The following PRKAB1 variants were observed in gnomAD, a reference collection of about 807,000 sequenced individuals.
PRKAB1 encodes the protein protein kinase AMP-activated non-catalytic subunit beta 1, also known as 5'-AMP-activated protein kinase subunit beta-1.
In PRKAB1, 18 loss-of-function variants were observed where a neutral mutation model predicts 32.0. The ratio of observed to expected loss-of-function variants is 0.56; its 90% confidence interval spans 0.39 to 0.83. The LOEUF is 0.83. Ranked by LOEUF, PRKAB1 falls within the 40% of genes least tolerant of loss-of-function variation. The pLI, the probability that PRKAB1 is intolerant of heterozygous loss-of-function variation, is 0.00. For missense variants in PRKAB1, 263 were observed against 352.6 expected, an observed-to-expected ratio of 0.75 and a Z score of 2.03; for synonymous variants, 141 against 141.4, an observed-to-expected ratio of 1.00 and a Z score of 0.02.
Position 119,674,445 on chromosome 12 carries a change from G to T in PRKAB1, c.523G>T (p.Asp175Tyr). 6.2e-7 allele frequency: 1 copy of T among 1,609,596 alleles called. No individual in the cohort carries two copies. Among genetic ancestry groups the T allele is most frequent in the Non-Finnish European group, 8.5e-7 (1 of 1,175,870 alleles). ...ALMVDSQKCS[D>Y]VSELSSSPPG... The stretch of plus-strand genomic sequence containing the variant: ...AATGGTGGATTCCCAAAAGTGCTCC[G>T]ATGTGTCTGGTATGAACACAGTTAT... Residue 175 changes from aspartate to tyrosine, a missense_variant, in exon 4 of 7, where the codon GAT becomes TAT. Asp to Tyr is a radical substitution (Grantham distance 160, BLOSUM62 -3). Coordinates refer to ENST00000229328, the MANE Select transcript of PRKAB1 (RefSeq NM_006253.5). This position sits in a 1 kb window ranked among gnomAD's most constrained non-coding sequence, Gnocchi z 4.3.
chr12:119,676,413 A>C (rs1330755088), intron 4 of PRKAB1, 124 bp from the exon 5 acceptor site: 10 of 1,238,900 alleles, frequency 8.1e-6, no homozygotes, highest in Non-Finnish European at 1.1e-5. Context: ...TGCATCCTTC[A>C]AGAGAATGTA....
intron 4 of PRKAB1, among the ~76,000 whole-genome samples, chr12:119,675,978 G>A (rs182540541): frequency 9.6e-4 from 146 of 152,290 alleles, no homozygotes; most frequent in African/African-American, 3.3e-3. Context: ...GCAAGAGTTT[G>A]GAAGGAACTT....
At position 119,674,880 on chromosome 12, in the gene PRKAB1, A is replaced by G. The variant is rs1235320322; in HGVS notation, c.532+426A>G. 6.6e-6 allele frequency among the ~76,000 whole-genome samples: 1 copy of G among 152,228 alleles called. No homozygotes were observed. Among genetic ancestry groups the G allele is most frequent in the African/African-American group, 2.4e-5 (1 of 41,462 alleles). ...GGACACCTCAGTGACCTTAGCAGTCACTTATGTGGTACATTAGCACCTTGT... is the reference window on the plus strand; with the variant it reads ...GGACACCTCAGTGACCTTAGCAGTCGCTTATGTGGTACATTAGCACCTTGT... On this transcript the variant is annotated intron_variant, in intron 4 of 6. Coordinates refer to ENST00000229328, the MANE Select transcript of PRKAB1 (RefSeq NM_006253.5). This position sits in a 1 kb window ranked among gnomAD's most constrained non-coding sequence, Gnocchi z 4.3.
intron 4 of PRKAB1, among the ~76,000 whole-genome samples, chr12:119,676,052 T>G (rs1050878971): frequency 6.6e-6 from 1 of 152,216 alleles, no homozygotes; most frequent in Admixed American, 6.5e-5. Context: ...CATTTTGAAA[T>G]GTGCCTCGTT....
At chr12:119,667,954 A>G, upstream of PRKAB1, 1 of 402,524 alleles carries the variant, frequency 2.5e-6, no homozygotes, top group Non-Finnish European at 4.4e-6. Context: ...GAGTCGCCGG[A>G]AGCGGAAGTC....
At position 119,676,657 on chromosome 12, in the gene PRKAB1, A is replaced by G; in HGVS notation, c.653A>G (p.Asp218Gly). The change falls in exon 5 of 7, where the codon GAC (aspartate) becomes GGC (glycine). Residue 218 changes from aspartate (D) to glycine (G), a missense_variant. Coordinates refer to ENST00000229328, the MANE Select transcript of PRKAB1 (RefSeq NM_006253.5). ...PHLLQVILNK[D>G]TGISCDPALL... ...CTCCTCCAGGTCATCCTGAACAAGG[A>G]CACGGGGATTTCCGTAAGTATGTGG... 1 of 1,613,774 alleles carries G rather than the reference A, an allele frequency of 6.2e-7. No individual in the cohort carries two copies. Among genetic ancestry groups the G allele is most frequent in the Non-Finnish European group, 8.5e-7 (1 of 1,179,882 alleles).
In PRKAB1 at chr12:119,677,092, G is replaced by A. The variant is rs115655622; in HGVS notation, c.666+422G>A. Among the ~76,000 whole-genome samples the A allele has an allele frequency of 6.4e-3, 968 of 152,266 alleles. 5 individuals carry two copies. Among genetic ancestry groups the A allele is most frequent in the African/African-American group, 0.022 (908 of 41,558 alleles). On this transcript the variant is annotated intron_variant, in intron 5 of 6. Coordinates refer to ENST00000229328, the MANE Select transcript of PRKAB1 (RefSeq NM_006253.5). ...TCTAGGTAACACACATTTCTCCTCC[G>A]GGAAATTATTACATGCAGAAAAGAA...
rs534072540 is a variant in PRKAB1 at position 119,674,564 on chromosome 12, G to T, written c.532+110G>T. 350 of 712,850 alleles carry T rather than the reference G, an allele frequency of 4.9e-4. No homozygotes were observed. The highest frequency in any genetic ancestry group is 7.6e-4 in the Non-Finnish European group (335 of 438,570). 44.2% of individuals were successfully genotyped at this position (712,850 alleles called of 1,614,324 possible). On this transcript the variant is annotated intron_variant, in intron 4 of 6. Transcript: ENST00000229328. The surrounding 1 kb of genome is among the most constrained non-coding windows in gnomAD (Gnocchi z 4.3). ...GAGCTGAAGCTGCCCAGTCAGATAG[G>T]CATTTATAGCCCCCACTTAAAGGCC...
intron 5 of PRKAB1, chr12:119,677,439 C>T (rs1459894677): frequency 6.6e-6 from 1 of 152,294 alleles, no homozygotes; most frequent in Non-Finnish European, 1.5e-5. Flanking sequence ...GGTCTCAGTG[C>T]TTGTTACCCT....
rs966100763 is a variant in PRKAB1 at position 119,679,801 on chromosome 12, G to A, written c.667-132G>A. ...CCTGTCGTCTTGGACAAGCCCTTGC[G>A]CTGCCTGATTTGGGAAGAGAGGTCG... On this transcript the variant is annotated intron_variant, in intron 5 of 6. Transcript: ENST00000229328. This position sits in a 1 kb window ranked among gnomAD's most constrained non-coding sequence, Gnocchi z 4.1. 5 of 939,904 alleles carry A rather than the reference G, an allele frequency of 5.3e-6. No homozygotes were observed. The highest frequency in any genetic ancestry group is 2.1e-4 in the Middle Eastern group (1 of 4,704). The allele number at this position is 939,904 out of a possible 1,614,324, so 58.2% of individuals were successfully genotyped here.
Position 119,674,957 on chromosome 12 carries a change from C to T in PRKAB1, c.532+503C>T, listed in dbSNP as rs974596456. Among the ~76,000 whole-genome samples the T allele has an allele frequency of 6.6e-6, 1 of 152,248 alleles. No homozygotes were observed. The highest frequency in any genetic ancestry group is 2.4e-5 in the African/African-American group (1 of 41,464). ...TCCCCACGGGAAACAGCCTGCACAG[C>T]CCAACTCTCCTTGATGGGAAGCTAT... On this transcript the variant is annotated intron_variant, in intron 4 of 6. Coordinates refer to ENST00000229328, the MANE Select transcript of PRKAB1 (RefSeq NM_006253.5). This position sits in a 1 kb window ranked among gnomAD's most constrained non-coding sequence, Gnocchi z 4.3.
At chr12:119,670,150 T>G (rs1480989188) in intron 1 of PRKAB1, among the ~76,000 whole-genome samples, 1 of 152,226 alleles carries the variant, frequency 6.6e-6, no homozygotes, top group African/African-American at 2.4e-5. Context: ...GCCGCAGGGC[T>G]CAGTCCAAGG....
intron 1 of PRKAB1, among the ~76,000 whole-genome samples, chr12:119,669,033 C>T (rs908118956): frequency 1.3e-4 from 20 of 151,434 alleles, no homozygotes; most frequent in African/African-American, 4.1e-4. Context: ...AGGAGAATGG[C>T]GTGAACCCGG....
At chr12:119,675,629 T>C (rs1326634707) in intron 4 of PRKAB1, among the ~76,000 whole-genome samples, 1 of 152,238 alleles carries the variant, frequency 6.6e-6, no homozygotes, top group East Asian at 1.9e-4. Flanking sequence ...CTCTACAGAC[T>C]TCTGTTTCGA....
Position 119,677,080 on chromosome 12 carries a change from C to T in PRKAB1, c.666+410C>T, listed in dbSNP as rs551695076. On this transcript the variant is annotated intron_variant, in intron 5 of 6. Coordinates refer to ENST00000229328, the MANE Select transcript of PRKAB1 (RefSeq NM_006253.5). ...AAATTTGGGATATCTAGGTAACACACATTTCTCCTCCGGGAAATTATTACA... is the reference window on the plus strand; with the variant it reads ...AAATTTGGGATATCTAGGTAACACATATTTCTCCTCCGGGAAATTATTACA... 1.6e-4 allele frequency among the ~76,000 whole-genome samples: 24 copies of T among 152,372 alleles called. No homozygotes were observed. The East Asian group carries it at 4.6e-3, about 29-fold the overall frequency.
rs1015169004 is a variant in PRKAB1 at position 119,676,498 on chromosome 12, T to C, written c.533-39T>C. 4 of 1,556,272 alleles carry C rather than the reference T, an allele frequency of 2.6e-6. No homozygotes were observed. The African/African-American group carries it at 4.1e-5, about 16-fold the overall frequency. On this transcript the variant is annotated intron_variant, in intron 4 of 6. Transcript: ENST00000229328. ...TAAGTAAGGCTGCTCCTAGAATGCC[T>C]GATTTTCAAAGTAAAGTCCTGTTAC...
At position 119,679,067 on chromosome 12, in the gene PRKAB1, T is replaced by C. The variant is rs192184435; in HGVS notation, c.667-866T>C. The C allele has an allele frequency of 1.3e-5, 2 of 152,372 alleles. No homozygotes were observed. Among genetic ancestry groups the C allele is most frequent in the East Asian group, 3.9e-4 (2 of 5,182 alleles). 9.4% of individuals were successfully genotyped at this position (152,372 alleles called of 1,614,324 possible). ...TGAGCTTGATTTAGCCATTCCACAA[T>C]GTGTCCATATTTCAAAACAACATAT... On this transcript the variant is annotated intron_variant, in intron 5 of 6. Coordinates refer to ENST00000229328, the MANE Select transcript of PRKAB1 (RefSeq NM_006253.5). The surrounding 1 kb of genome is among the most constrained non-coding windows in gnomAD (Gnocchi z 4.1).
At chr12:119,676,441 C>G in intron 4 of PRKAB1, 96 bp from the exon 5 acceptor site, 1 of 1,380,072 alleles carries the variant, frequency 7.2e-7, no homozygotes, top group Non-Finnish European at 1.0e-6. Flanking sequence ...ATTGAGGGAA[C>G]AAGAGACAAG....
At chr12:119,678,838 C>T (rs1955445546) in intron 5 of PRKAB1, 1 of 152,204 alleles carries the variant, frequency 6.6e-6, no homozygotes. Flanking sequence ...GATATCTCGA[C>T]ATGCTGATTT....
Sources: gnomAD v4.1 joint callset for allele counts (sites outside exome capture counted in the v4.1 genomes callset) on GRCh38, gnomAD v4.1.1 for gene constraint, Gnocchi (gnomAD v3.1) non-coding constraint, MANE v1.5 for transcripts, NCBI Gene and HGNC (gene_info 2026-07-23, HGNC 2026-07-21) for gene names.